Variants in SHCBP1 observed in about 807,000 individuals in gnomAD.
SHCBP1 encodes the protein SHC binding and spindle associated 1.
Under a neutral mutation model 75.1 loss-of-function variants are expected in SHCBP1, and 60 were observed. That is an observed-to-expected ratio of 0.80 (90% CI 0.65 to 0.99). SHCBP1 has a LOEUF of 0.99. Among genes scored for constraint, SHCBP1 ranks in the 50% least tolerant of loss-of-function variants. The pLI is 0.00. For synonymous variants in SHCBP1, 290 were observed against 293.2 expected (o/e 0.99, Z 0.11); for missense variants, 709 against 809.4 (o/e 0.88, Z 1.50).
At chr16:46,620,356 C>G (rs1481782496) in intron 1 of SHCBP1, 1 of 152,158 alleles carries the variant, frequency 6.6e-6, no homozygotes, top group African/African-American at 2.4e-5. Flanking sequence ...AACTTTGGAC[C>G]CTTTGCCCAG....
intron 10 of SHCBP1, among the ~76,000 whole-genome samples, chr16:46,589,041 C>T (rs1013111353): frequency 3.3e-5 from 5 of 152,136 alleles, no homozygotes; most frequent in Non-Finnish European, 7.3e-5. Context: ...AAACGTAATC[C>T]ATCATATAAA....
intron 9 of SHCBP1, 56 bp from the exon 10 acceptor site, chr16:46,595,726 T>C: frequency 7.7e-7 from 1 of 1,292,580 alleles, no homozygotes; most frequent in South Asian, 1.2e-5. Context: ...TTTCCAATGT[T>C]AGAGATAGCC....
chr16:46,592,951 C>CAAAAAAAAAAAAATAAAAAA (rs1965070331), intron 10 of SHCBP1, among the ~76,000 whole-genome samples: 1 of 22,778 alleles, frequency 4.4e-5, no homozygotes. Flanking sequence ...TAAAAATTCT[C>CAAAAAAAAAAAAATAAAAAA]AAAAAAAAAA....
chr16:46,582,926 C>T (rs927789976), intron 12 of SHCBP1, among the ~76,000 whole-genome samples: 2 of 152,224 alleles, frequency 1.3e-5, no homozygotes, highest in Non-Finnish European at 2.9e-5. Flanking sequence ...TAATCCTTCT[C>T]TATGACTGAG....
chr16:46,583,805 C>T (rs1964908551), intron 11 of SHCBP1, 148 bp from the exon 12 acceptor site: 5 of 1,016,548 alleles, frequency 4.9e-6, no homozygotes, highest in Non-Finnish European at 7.1e-6. Flanking sequence ...CTTAGTGACA[C>T]AGCTTTCCTC....
Position 46,603,130 on chromosome 16 carries a change from G to A in SHCBP1, c.1213+409C>T, listed in dbSNP as rs1421232231. The stretch of plus-strand genomic sequence containing the variant: ...TGTGAAACAAAAAACAAAAAGCCAT[G>A]CACTAACATATCTGCAACATCTATG... On this transcript the variant is annotated intron_variant, in intron 8 of 12. Transcript: ENST00000303383. Among the ~76,000 whole-genome samples the A allele has an allele frequency of 2.6e-5, 4 of 152,114 alleles. No individual in the cohort carries two copies. In the East Asian group the frequency reaches 7.7e-4, roughly 29 times the overall value.
intron 10 of SHCBP1, among the ~76,000 whole-genome samples, chr16:46,586,549 T>TA (rs1166699465): frequency 6.6e-6 from 1 of 152,102 alleles, no homozygotes; most frequent in East Asian, 1.9e-4. Flanking sequence ...CTTCAAGAAA[T>TA]AGTGACTAAA....
At chr16:46,582,362 T>A (rs1362152878) in intron 12 of SHCBP1, among the ~76,000 whole-genome samples, 2 of 152,248 alleles carry the variant, frequency 1.3e-5, no homozygotes, top group Non-Finnish European at 2.9e-5. Context: ...TAATTCTAGA[T>A]AGGCCCCATG....
rs1361745107 is a variant in SHCBP1, at chr16:46,580,380, TA to T, written c.*1348del. ...TTAGTAGCATCCAAAAAATAAGAAT[TA>T]TTTTTTACTCAAATTTAAAAAACAA... On this transcript the variant is annotated 3_prime_UTR_variant, in exon 13 of 13. Coordinates refer to ENST00000303383, the MANE Select transcript of SHCBP1 (RefSeq NM_024745.5). Among the ~76,000 whole-genome samples the T allele has an allele frequency of 6.6e-6, 1 of 152,132 alleles. No individual in the cohort carries two copies. The highest frequency in any genetic ancestry group is 6.6e-5 in the Admixed American group (1 of 15,266).
chr16:46,618,941 T>C (rs955629845), intron 1 of SHCBP1, among the ~76,000 whole-genome samples: 2 of 152,216 alleles, frequency 1.3e-5, no homozygotes, highest in Admixed American at 6.5e-5. Flanking sequence ...AGCAATTCCA[T>C]AAAGCTCCTT....
At chr16:46,600,657 C>CCT (rs1965218296) in intron 8 of SHCBP1, among the ~76,000 whole-genome samples, 1 of 152,176 alleles carries the variant, frequency 6.6e-6, no homozygotes, top group Admixed American at 6.5e-5. Flanking sequence ...GGCTTAAAAT[C>CCT]TGACAAACTG....
At chr16:46,583,734 C>G in intron 11 of SHCBP1, 77 bp from the exon 12 acceptor site, 1 of 1,505,770 alleles carries the variant, frequency 6.6e-7, no homozygotes, top group Non-Finnish European at 9.0e-7. Context: ...TTTATTCACA[C>G]TATTCTAAAA....
intron 4 of SHCBP1, among the ~76,000 whole-genome samples, chr16:46,614,329 A>G (rs1168816570): frequency 6.6e-6 from 1 of 152,226 alleles, no homozygotes; most frequent in East Asian, 1.9e-4. Context: ...TACTTTTTAT[A>G]CTACAAAACA....
At chr16:46,610,143 G>GGTT (rs1156790855) in intron 4 of SHCBP1, among the ~76,000 whole-genome samples, 1 of 151,146 alleles carries the variant, frequency 6.6e-6, no homozygotes, top group Non-Finnish European at 1.5e-5. Context: ...GTAGAGATAG[G>GGTT]GTTTCACTAT....
At chr16:46,583,453 A>T in intron 12 of SHCBP1, 63 bp downstream of exon 12, 1 of 1,486,900 alleles carries the variant, frequency 6.7e-7, no homozygotes, top group Non-Finnish European at 9.1e-7. Context: ...TCAGATCCTT[A>T]ATCAGCATTT....
At chr16:46,607,761 A>C (rs976228854) in intron 5 of SHCBP1, among the ~76,000 whole-genome samples, 5 of 152,188 alleles carry the variant, frequency 3.3e-5, no homozygotes, top group Admixed American at 6.5e-5. Context: ...TAAGGTCATT[A>C]AGATTTAAGG....
rs1358916769 is a variant in SHCBP1, at chr16:46,608,219, G to C, written c.689+78C>G. The stretch of plus-strand genomic sequence containing the variant: ...TGAGTGTGGGTGTGTGTGTGTGTGT[G>C]TATCTCACACAGGCAAAATTAAACC... On this transcript the variant is annotated intron_variant, in intron 5 of 12. Coordinates refer to ENST00000303383, the MANE Select transcript of SHCBP1 (RefSeq NM_024745.5). 3.6e-6 allele frequency: 3 copies of C among 837,370 alleles called. No individual in the cohort carries two copies. The African/African-American group carries it at 5.0e-5, about 14-fold the overall frequency. 51.9% of individuals were successfully genotyped at this position (837,370 alleles called of 1,614,324 possible). A position where few individuals can be genotyped will look rare whatever the true frequency, so the allele number is the denominator to read the frequency against.
chr16:46,583,419 C>T (rs1028039238), intron 12 of SHCBP1, 97 bp downstream of exon 12: 1 of 1,330,188 alleles, frequency 7.5e-7, no homozygotes, highest in Admixed American at 2.7e-5. Context: ...TCCCAACAAC[C>T]TTTTTTAAGG....
At chr16:46,599,561 T>C (rs1965195190) in intron 9 of SHCBP1, among the ~76,000 whole-genome samples, 1 of 150,276 alleles carries the variant, frequency 6.7e-6, no homozygotes, top group South Asian at 2.1e-4. Flanking sequence ...TTATCTATAT[T>C]GTGAGAGTTA....
Sources: allele counts gnomAD v4.1 joint callset (sites outside exome capture counted in the v4.1 genomes callset), GRCh38; gene constraint gnomAD v4.1.1; transcripts MANE v1.5; gene names NCBI Gene and HGNC (gene_info 2026-07-23, HGNC 2026-07-21).